The following TFAM variants were observed in gnomAD, a reference collection of about 807,000 sequenced individuals.
The protein encoded by TFAM is transcription factor A, mitochondrial, also known as mitochondrial transcription factor 1.
In TFAM, 13 loss-of-function variants were observed where a neutral mutation model predicts 30.6. That is an observed-to-expected ratio of 0.42 (90% CI 0.28 to 0.67). The LOEUF (loss-of-function observed/expected upper bound fraction) is 0.67, where lower values mean the gene tolerates loss of function less well. Among genes scored for constraint, TFAM ranks in the 30% least tolerant of loss-of-function variants. The pLI, the probability that TFAM is intolerant of heterozygous loss-of-function variation, is 0.21. For missense variants in TFAM, 231 were observed against 293.7 expected, an observed-to-expected ratio of 0.79 and a Z score of 1.56; for synonymous variants, 106 against 94.8, an observed-to-expected ratio of 1.12 and a Z score of -0.69.
chr10:58,390,719 C>T (rs1564568340), intron 4 of TFAM, 46 bp from the exon 5 acceptor site: 2 of 1,426,086 alleles, frequency 1.4e-6, no homozygotes, highest in Non-Finnish European at 2.0e-6. Context: ...AATTAAGTCT[C>T]ATGGAGGTTA....
intron 4 of TFAM, among the ~76,000 whole-genome samples, chr10:58,389,976 AAG>A (rs1840561386): frequency 6.6e-6 from 1 of 152,230 alleles, no homozygotes; most frequent in Non-Finnish European, 1.5e-5. Context: ...TCTAGAAACA[AAG>A]AGGGAAATAG....
chr10:58,388,320 A>C, intron 3 of TFAM, 60 bp downstream of exon 3: 3 of 1,425,504 alleles, frequency 2.1e-6, no homozygotes, highest in Admixed American at 1.7e-5. Context: ...AGCAATTGTC[A>C]TGTCCTTTAA....
At chr10:58,387,966 T>C (rs1185680844) in intron 2 of TFAM, among the ~76,000 whole-genome samples, 1 of 151,970 alleles carries the variant, frequency 6.6e-6, no homozygotes, top group Non-Finnish European at 1.5e-5. Flanking sequence ...GTAATCAAAC[T>C]GTTGACTGTT....
rs745732580 is a variant in TFAM at position 58,395,061 on chromosome 10, C to T, written c.728C>T (p.Ala243Val). 168 of 1,613,304 alleles carry T rather than the reference C, an allele frequency of 1.0e-4. No homozygotes were observed. The highest frequency in any genetic ancestry group is 1.4e-4 in the Non-Finnish European group (160 of 1,179,602). ...RTIKKQRKYG[A>V]EEC ...ATAAAGAAACAACGAAAATATGGTGCTGAGGAGTGTTAAAAGTAGAAGATT... is the reference window on the plus strand; with the variant it reads ...ATAAAGAAACAACGAAAATATGGTGTTGAGGAGTGTTAAAAGTAGAAGATT... Residue 243 changes from alanine to valine, a missense_variant, in exon 7 of 7, where the codon GCT (alanine) becomes GTT (valine). Physicochemically the swap from Ala to Val is moderately conservative, Grantham distance 64. Coordinates refer to ENST00000487519, the MANE Select transcript of TFAM (RefSeq NM_003201.3).
intron 5 of TFAM, among the ~76,000 whole-genome samples, chr10:58,391,070 C>A (rs987354642): frequency 1.3e-5 from 2 of 151,942 alleles, no homozygotes; most frequent in Non-Finnish European, 2.9e-5. Context: ...ACATTGCCAA[C>A]TTTTTAAATT....
chr10:58,388,174 T>C lies in TFAM; in HGVS notation c.221-16T>C, dbSNP rs2277256. 0.033 allele frequency: 52,966 copies of C among 1,610,580 alleles called. 1,148 individuals are homozygous for C. The highest frequency in any genetic ancestry group is 0.073 in the South Asian group (6,664 of 90,994). On this transcript the variant is annotated splice_polypyrimidine_tract_variant and intron_variant, in intron 2 of 6. Transcript: ENST00000487519. Reference sequence around the variant, plus strand: ...TAAAATTGTGGCATCTTTTTTCTTTTTATTTCATTCCATAGATGCAAAAAC... The same window carrying C: ...TAAAATTGTGGCATCTTTTTTCTTTCTATTTCATTCCATAGATGCAAAAAC...
intron 4 of TFAM, among the ~76,000 whole-genome samples, 156 bp from the exon 5 acceptor site, chr10:58,390,609 C>G (rs894349207): frequency 6.6e-6 from 1 of 152,140 alleles, no homozygotes; most frequent in Non-Finnish European, 1.5e-5. Context: ...CAAAAAAATT[C>G]TGACCGCAAG....
In TFAM at chr10:58,396,207, C is replaced by CA. The variant is rs1840678515; in HGVS notation, c.*1133_*1134insA. ...AGAGTAGCTGCCACAGAAACTATAGCCCACAAAGCCTGATATTTACTGTCT... is the reference window on the plus strand; with the variant it reads ...AGAGTAGCTGCCACAGAAACTATAGCACCACAAAGCCTGATATTTACTGTCT... On this transcript the variant is annotated 3_prime_UTR_variant, in exon 7 of 7. Transcript: ENST00000487519. 6.6e-6 allele frequency: 1 copy of CA among 152,040 alleles called. No homozygotes were observed. Among genetic ancestry groups the CA allele is most frequent in the Non-Finnish European group, 1.5e-5 (1 of 68,008 alleles). The allele number at this position is 152,040 out of a possible 1,614,324, so 9.4% of individuals were successfully genotyped here.
rs1334295240 is a variant in TFAM at position 58,398,671 on chromosome 10, CTGA to C, written c.*3600_*3602del. 6.6e-6 allele frequency: 1 copy of C among 152,048 alleles called. No individual in the cohort carries two copies. Among genetic ancestry groups the C allele is most frequent in the Non-Finnish European group, 1.5e-5 (1 of 68,000 alleles). The allele number at this position is 152,048 out of a possible 1,614,324, so 9.4% of individuals were successfully genotyped here. A position where few individuals can be genotyped will look rare whatever the true frequency, so the allele number is the denominator to read the frequency against. On this transcript the variant is annotated 3_prime_UTR_variant, in exon 7 of 7. Transcript: ENST00000487519. ...TAATTAGAACACTTTATTGATTTTT[CTGA>C]TGTTTTCTGTATCTAAAATTTATCA...
chr10:58,394,676 C>G, intron 6 of TFAM: 1 of 636,010 alleles, frequency 1.6e-6, no homozygotes, highest in Non-Finnish European at 2.8e-6. Context: ...TGCTGCTGCC[C>G]CCTTCCTGCA....
At chr10:58,389,698 A>G (rs955367411) in intron 4 of TFAM, among the ~76,000 whole-genome samples, 20 of 152,208 alleles carry the variant, frequency 1.3e-4, no homozygotes, top group Non-Finnish European at 1.5e-5. Context: ...GAGTGTCTAC[A>G]TAAGGATGGT....
rs1235476257 is a variant in TFAM, at chr10:58,399,147, G to A, written c.*4073G>A. The A allele has an allele frequency of 6.6e-6, 1 of 152,066 alleles. No homozygotes were observed. The highest frequency in any genetic ancestry group is 1.5e-5 in the Non-Finnish European group (1 of 68,012). The allele number at this position is 152,066 out of a possible 1,614,324, so 9.4% of individuals were successfully genotyped here. ...CTAATACATTTCAGAATGTTTCACT[G>A]GTTACAGGAGCCAGTAAATAAAGTT... On this transcript the variant is annotated 3_prime_UTR_variant, in exon 7 of 7. Coordinates refer to ENST00000487519, the MANE Select transcript of TFAM (RefSeq NM_003201.3).
chr10:58,386,658 T>C, intron 2 of TFAM: 1 of 1,153,818 alleles, frequency 8.7e-7, no homozygotes. Flanking sequence ...AGCTCCTCCT[T>C]TTTCTGGCTC....
chr10:58,391,844 C>T (rs1158979801), intron 5 of TFAM, among the ~76,000 whole-genome samples: 1 of 151,354 alleles, frequency 6.6e-6, no homozygotes. Flanking sequence ...GTATTCACAG[C>T]TGACATATGC....
chr10:58,391,924 G>GTTT (rs66572009), intron 5 of TFAM, among the ~76,000 whole-genome samples: 4 of 133,522 alleles, frequency 3.0e-5, no homozygotes, highest in African/African-American at 8.2e-5. Context: ...GTTCACTTAG[G>GTTT]TTTTTTTTTT....
chr10:58,394,162 C>A (rs762413159), intron 5 of TFAM, among the ~76,000 whole-genome samples, 196 bp from the exon 6 acceptor site: 2 of 152,096 alleles, frequency 1.3e-5, no homozygotes, highest in Middle Eastern at 3.2e-3. Context: ...ATTTCCGAAT[C>A]AAAAATATGT....
chr10:58,391,924 G>GTTTTTTT (rs66572009), intron 5 of TFAM, among the ~76,000 whole-genome samples: 1 of 133,514 alleles, frequency 7.5e-6, no homozygotes, highest in Non-Finnish European at 1.6e-5. Context: ...GTTCACTTAG[G>GTTTTTTT]TTTTTTTTTT....
chr10:58,395,429 T>C lies in TFAM; in HGVS notation c.*355T>C, dbSNP rs1840664604. The C allele has an allele frequency of 3.4e-6, 1 of 290,310 alleles. No individual in the cohort carries two copies. The highest frequency in any genetic ancestry group is 2.2e-5 in the African/African-American group (1 of 45,842). 18.0% of individuals were successfully genotyped at this position (290,310 alleles called of 1,614,324 possible). On this transcript the variant is annotated 3_prime_UTR_variant, in exon 7 of 7. Coordinates refer to ENST00000487519, the MANE Select transcript of TFAM (RefSeq NM_003201.3). The stretch of plus-strand genomic sequence containing the variant: ...TTCCTTATATTATGGAGGCAGGAGT[T>C]TCGTTTTCAAAATTGTTACAAATTG...
chr10:58,387,924 G>A (rs1304341883), intron 2 of TFAM, among the ~76,000 whole-genome samples: 3 of 150,992 alleles, frequency 2.0e-5, no homozygotes, highest in Admixed American at 6.6e-5. Context: ...CCTGGGTGAC[G>A]GACCCTGTCT....
Sources: allele counts gnomAD v4.1 joint callset (sites outside exome capture counted in the v4.1 genomes callset), GRCh38; gene constraint gnomAD v4.1.1; transcripts MANE v1.5; gene names NCBI Gene and HGNC (gene_info 2026-07-23, HGNC 2026-07-21).